ZC3HC1: variants seen among roughly 807,000 people sequenced by gnomAD.
ZC3HC1 encodes the protein zinc finger C3HC-type containing 1.
A neutral mutation model predicts 61.9 loss-of-function variants in ZC3HC1; 38 were observed. The observed-to-expected ratio is 0.61, with a 90% CI of 0.47 to 0.81. The LOEUF (loss-of-function observed/expected upper bound fraction) is 0.81, where lower values mean the gene tolerates loss of function less well. Among genes scored for constraint, ZC3HC1 ranks in the 30% least tolerant of loss-of-function variants. The probability of loss-of-function intolerance (pLI) is 0.00; values close to 1 mark genes in which losing one functional copy is unlikely to be tolerated. For missense variants in ZC3HC1, 554 were observed against 622.7 expected (o/e 0.89, Z 1.17); for synonymous variants, 213 against 229.9 (o/e 0.93, Z 0.67).
At chr7:130,034,412 G>A (rs1027894843) in intron 4 of ZC3HC1, among the ~76,000 whole-genome samples, 5 of 149,062 alleles carry the variant, frequency 3.4e-5, no homozygotes, top group Non-Finnish European at 5.9e-5. Flanking sequence ...GTGAACCCGG[G>A]AGGCAGAGCT....
intron 9 of ZC3HC1, among the ~76,000 whole-genome samples, chr7:130,019,848 G>T (rs559619439): frequency 8.2e-6 from 1 of 121,806 alleles, no homozygotes; most frequent in Non-Finnish European, 1.6e-5. Flanking sequence ...GACAGGTCTC[G>T]CTCTGTCGCC....
chr7:130,051,099 C>A, intron 1 of ZC3HC1, 122 bp downstream of exon 1: 1 of 1,301,400 alleles, frequency 7.7e-7, no homozygotes, highest in Non-Finnish European at 1.0e-6. Flanking sequence ...CTTTCAGATT[C>A]TAAGAAGCCA....
intron 4 of ZC3HC1, among the ~76,000 whole-genome samples, chr7:130,033,842 T>C (rs1441008361): frequency 6.6e-6 from 1 of 152,184 alleles, no homozygotes; most frequent in African/African-American, 2.4e-5. Flanking sequence ...CCCCAAGACA[T>C]GGAATCAGCA....
rs78011420 is a variant in ZC3HC1, at chr7:130,020,883, A to G, written c.1440+1436T>C. Among the ~76,000 whole-genome samples the G allele has an allele frequency of 6.4e-3, 968 of 152,082 alleles. 8 individuals carry two copies. Among genetic ancestry groups the G allele is most frequent in the African/African-American group, 0.022 (916 of 41,518 alleles). On this transcript the variant is annotated intron_variant, in intron 9 of 9. Transcript: ENST00000358303. Reference sequence around the variant, plus strand: ...GAAAACCTTCACCTGCATATTTACTAAGGGTACTAATATACATTTATTTTT... The same window carrying G: ...GAAAACCTTCACCTGCATATTTACTGAGGGTACTAATATACATTTATTTTT...
chr7:130,033,181 C>T (rs148078242), intron 4 of ZC3HC1, among the ~76,000 whole-genome samples: 8 of 152,156 alleles, frequency 5.3e-5, no homozygotes, highest in Middle Eastern at 3.4e-3. Flanking sequence ...CACAGGTATG[C>T]GTAACCATGC....
intron 9 of ZC3HC1, among the ~76,000 whole-genome samples, chr7:130,019,881 T>C (rs1305969233): frequency 6.9e-6 from 1 of 145,636 alleles, no homozygotes; most frequent in Non-Finnish European, 1.5e-5. Context: ...TGTGGTGCCA[T>C]TTCAGCTCAC....
intron 2 of ZC3HC1, among the ~76,000 whole-genome samples, chr7:130,047,625 G>T (rs1714726183): frequency 7.0e-6 from 1 of 143,450 alleles, no homozygotes; most frequent in Non-Finnish European, 1.5e-5. Flanking sequence ...GGGCAACATA[G>T]CAAGACTTTG....
rs183735517 is a variant in ZC3HC1, at chr7:130,031,963, C to T, written c.494-2934G>A. Reference sequence around the variant, plus strand: ...TTTTGAGGCCGGGCACAGTGGCTCACGCCTGTAATCCCAACACTTTGGGAG... The same window carrying T: ...TTTTGAGGCCGGGCACAGTGGCTCATGCCTGTAATCCCAACACTTTGGGAG... On this transcript the variant is annotated intron_variant, in intron 4 of 9. Transcript: ENST00000358303. Among the ~76,000 whole-genome samples, 18 of 152,280 alleles carry T rather than the reference C, an allele frequency of 1.2e-4. No individual in the cohort carries two copies. In the East Asian group the frequency reaches 2.1e-3, roughly 18 times the overall value.
chr7:130,018,751 AT>A lies in ZC3HC1; in HGVS notation c.1441-20del. On this transcript the variant is annotated intron_variant, in intron 9 of 9. Coordinates refer to ENST00000358303, the MANE Select transcript of ZC3HC1 (RefSeq NM_016478.5). The stretch of plus-strand genomic sequence containing the variant: ...AGAGACTCTGTAGGTAGAAAAGCTT[AT>A]TATTAGTGATTACGTTCTTTTATAG... 1 of 1,590,974 alleles carries A rather than the reference AT, an allele frequency of 6.3e-7. No homozygotes were observed. The highest frequency in any genetic ancestry group is 8.6e-7 in the Non-Finnish European group (1 of 1,159,852).
At chr7:130,041,988 C>T (rs1398931240) in intron 2 of ZC3HC1, among the ~76,000 whole-genome samples, 1 of 152,064 alleles carries the variant, frequency 6.6e-6, no homozygotes, top group African/African-American at 2.4e-5. Context: ...CTTGAAGAAG[C>T]ACTATGTATT....
At chr7:130,033,197 TAA>T (rs1794292459) in intron 4 of ZC3HC1, among the ~76,000 whole-genome samples, 1 of 152,090 alleles carries the variant, frequency 6.6e-6, no homozygotes, top group Non-Finnish European at 1.5e-5. Flanking sequence ...CATGCCCAGC[TAA>T]TTTTTTGTAT....
intron 4 of ZC3HC1, among the ~76,000 whole-genome samples, chr7:130,033,793 A>G (rs985499143): frequency 6.6e-5 from 10 of 152,152 alleles, no homozygotes; most frequent in African/African-American, 2.4e-5. Context: ...TTCTAGCAAC[A>G]ACAGGATATT....
At chr7:130,041,700 T>A (rs1794681442) in intron 2 of ZC3HC1, among the ~76,000 whole-genome samples, 1 of 151,844 alleles carries the variant, frequency 6.6e-6, no homozygotes, top group Non-Finnish European at 1.5e-5. Context: ...AGCTAATTTT[T>A]GTATTTTTAA....
Position 130,018,573 on chromosome 7 carries a change from CTT to C in ZC3HC1, c.*89_*90del. The C allele has an allele frequency of 1.7e-6, 2 of 1,145,686 alleles. No homozygotes were observed. Among genetic ancestry groups the C allele is most frequent in the South Asian group, 2.9e-5 (2 of 69,294 alleles). The allele number at this position is 1,145,686 out of a possible 1,614,324, so 71.0% of individuals were successfully genotyped here. On this transcript the variant is annotated 3_prime_UTR_variant, in exon 10 of 10. Transcript: ENST00000358303. ...TATGATTAACCCAGAACAGGAAAAA[CTT>C]AGTGTCAGCTGACCGAAAGGAACTC...
Position 130,026,198 on chromosome 7 carries a change from C to G in ZC3HC1, c.736G>C (p.Val246Leu). The part of the protein sequence containing the change: ...IKLGSDIQVH[V>L]TACILSVCGW... ...CACACAGAGAGAATACAGGCAGTGA[C>G]GTGGACTTGGATGTCTGAGCCTAAT... Residue 246 changes from valine (V) to leucine (L), a missense_variant, in exon 6 of 10, where the codon GTC (valine) becomes CTC (leucine). Transcript: ENST00000358303. 1 of 1,614,102 alleles carries G rather than the reference C, an allele frequency of 6.2e-7. No individual in the cohort carries two copies.
At chr7:130,030,195 CTTT>C (rs58731959) in intron 4 of ZC3HC1, among the ~76,000 whole-genome samples, 47 of 115,430 alleles carry the variant, frequency 4.1e-4, no homozygotes, top group African/African-American at 1.1e-3. Context: ...CTGAATCAGC[CTTT>C]TTTTTTTTTT....
chr7:130,023,663 C>T lies in ZC3HC1; in HGVS notation c.1081G>A (p.Val361Ile), dbSNP rs1273615358. 6.2e-7 allele frequency: 1 copy of T among 1,614,162 alleles called. No homozygotes were observed. Among genetic ancestry groups the T allele is most frequent in the South Asian group, 1.1e-5 (1 of 91,082 alleles). Residue 361 changes from valine to isoleucine, a missense_variant, in exon 8 of 10, where the codon GTT becomes ATT. Transcript: ENST00000358303. This position sits in a 1 kb window ranked among gnomAD's most constrained non-coding sequence, Gnocchi z 4.2. ...GCAGCCTCTGGCTCAGGACGGTCAA[C>T]AGGACTGGAAGAGTCCCAGCTCCGA... is the stretch of plus-strand genomic sequence containing the variant. Reference protein sequence around the residue: ...RTRSWDSSSPVDRPEPEAASP... With the variant: ...RTRSWDSSSPIDRPEPEAASP...
chr7:130,046,159 G>T (rs1282952263), intron 2 of ZC3HC1, among the ~76,000 whole-genome samples: 1 of 152,126 alleles, frequency 6.6e-6, no homozygotes, highest in Non-Finnish European at 1.5e-5. Context: ...GTGGGAGTTG[G>T]GGGAGGGAAA....
intron 4 of ZC3HC1, among the ~76,000 whole-genome samples, chr7:130,037,127 T>C (rs1298707534): frequency 6.6e-6 from 1 of 152,234 alleles, no homozygotes; most frequent in Admixed American, 6.5e-5. Context: ...GAACCACCAA[T>C]AGAGCCCTGG....
Sources: gnomAD v4.1 joint callset for allele counts (sites outside exome capture counted in the v4.1 genomes callset) on GRCh38, gnomAD v4.1.1 for gene constraint, Gnocchi (gnomAD v3.1) non-coding constraint, MANE v1.5 for transcripts, NCBI Gene and HGNC (gene_info 2026-07-23, HGNC 2026-07-21) for gene names.